Variants in ATF7 observed in about 807,000 individuals in gnomAD.
ATF7 encodes cyclic AMP-dependent transcription factor ATF-7.
A neutral mutation model predicts 50.4 loss-of-function variants in ATF7; 10 were observed. The ratio of observed to expected loss-of-function variants is 0.20; its 90% CI spans 0.12 to 0.34. The LOEUF (loss-of-function observed/expected upper bound fraction) is 0.34. ATF7 is among the 10% of genes least tolerant of loss of function. The pLI, the probability that ATF7 is intolerant of heterozygous loss-of-function variation, is 1.00. For missense variants in ATF7, 465 were observed against 613.9 expected, an observed-to-expected ratio of 0.76 and a Z score of 2.56; for synonymous variants, 201 against 226.4, an observed-to-expected ratio of 0.89 and a Z score of 1.01.
Position 53,605,389 on chromosome 12 carries a change from CA to C in ATF7, c.-21-4369del, listed in dbSNP as rs11433998. Among the ~76,000 whole-genome samples the C allele has an allele frequency of 8.0e-3, 820 of 101,956 alleles. 4 individuals are homozygous for C. Among genetic ancestry groups the C allele is most frequent in the South Asian group, 0.053 (147 of 2,778 alleles). 66.9% of individuals were successfully genotyped at this position (101,956 alleles called of 152,430 possible). A position where few individuals can be genotyped will look rare whatever the true frequency, so the allele number is the denominator to read the frequency against. The stretch of plus-strand genomic sequence containing the variant: ...GGGCAACAAGAGTGAAATTCTGTCT[CA>C]AAAAAAAAAAAAAAAAAAAGATTTA... On this transcript the variant is annotated intron_variant, in intron 1 of 11. Transcript: ENST00000420353.
chr12:53,550,367 T>TA (rs1045547762), intron 3 of ATF7, among the ~76,000 whole-genome samples: 6 of 141,028 alleles, frequency 4.3e-5, no homozygotes, highest in Admixed American at 7.2e-5. Flanking sequence ...AATAAATAAA[T>TA]AATAAATATA....
rs192651212 is a variant in ATF7 at position 53,516,113 on chromosome 12, A to G, written c.*1024T>C. 5 of 152,360 alleles carry G rather than the reference A, an allele frequency of 3.3e-5. No homozygotes were observed. Among genetic ancestry groups the G allele is most frequent in the Admixed American group, 1.3e-4 (2 of 15,298 alleles). The allele number at this position is 152,360 out of a possible 1,614,324, so 9.4% of individuals were successfully genotyped here. A position where few individuals can be genotyped will look rare whatever the true frequency, so the allele number is the denominator to read the frequency against. ...AGGGGAATGAAGAGAGAGAAGCAGG[A>G]GCAGAAAAATGACCAAAGATGACAA... On this transcript the variant is annotated 3_prime_UTR_variant, in exon 12 of 12. Transcript: ENST00000420353.
In ATF7 at chr12:53,524,523, G is replaced by A; in HGVS notation, c.1125+41C>T. On this transcript the variant is annotated intron_variant, in intron 10 of 11. Coordinates refer to ENST00000420353, the MANE Select transcript of ATF7 (RefSeq NM_006856.3). This position sits in a 1 kb window ranked among gnomAD's most constrained non-coding sequence, Gnocchi z 4.6. ...TTTTTCTGATTCCATCCCACTTTCT[G>A]GATTTTCAACAATTCCAATAAGCAT... is the stretch of plus-strand genomic sequence containing the variant. 1 of 1,603,932 alleles carries A rather than the reference G, an allele frequency of 6.2e-7. No individual in the cohort carries two copies. Among genetic ancestry groups the A allele is most frequent in the Non-Finnish European group, 8.5e-7 (1 of 1,175,358 alleles).
intron 2 of ATF7, among the ~76,000 whole-genome samples, chr12:53,572,029 T>C (rs899020480): frequency 2.0e-5 from 3 of 151,536 alleles, no homozygotes; most frequent in African/African-American, 7.3e-5. Flanking sequence ...ACAGTGCCAC[T>C]GCACTCCAGC....
At chr12:53,519,002 C>T (rs1424738450) in intron 11 of ATF7, among the ~76,000 whole-genome samples, 3 of 149,500 alleles carry the variant, frequency 2.0e-5, no homozygotes, top group African/African-American at 4.9e-5. Flanking sequence ...TGCAGTGAGC[C>T]GAGATTGTGC....
chr12:53,590,927 C>T (rs1409067021), intron 2 of ATF7, among the ~76,000 whole-genome samples: 2 of 152,070 alleles, frequency 1.3e-5, no homozygotes, highest in Non-Finnish European at 2.9e-5. Flanking sequence ...TGAGACTATT[C>T]CATATGGTAT....
chr12:53,562,871 G>A (rs1941225464), intron 2 of ATF7, among the ~76,000 whole-genome samples: 1 of 152,110 alleles, frequency 6.6e-6, no homozygotes, highest in Admixed American at 6.6e-5. Context: ...TGGCAGCAAT[G>A]GGGATTTAAA....
chr12:53,552,263 T>C (rs1231126076), intron 3 of ATF7, among the ~76,000 whole-genome samples: 1 of 151,772 alleles, frequency 6.6e-6, no homozygotes. Context: ...TCTTAATAAA[T>C]AGAAAGAAAG....
intron 2 of ATF7, among the ~76,000 whole-genome samples, chr12:53,579,171 G>A (rs1942261136): frequency 6.6e-6 from 1 of 152,138 alleles, no homozygotes; most frequent in African/African-American, 2.4e-5. Context: ...TTGAACCTGG[G>A]AGGCAGAGGT....
chr12:53,547,681 A>C (rs1474485807), intron 3 of ATF7, among the ~76,000 whole-genome samples: 1 of 144,856 alleles, frequency 6.9e-6, no homozygotes, highest in Non-Finnish European at 1.5e-5. Context: ...GGGCTCAAGC[A>C]ATCTTTCTGT....
chr12:53,615,301 A>G (rs1237002435), intron 1 of ATF7, among the ~76,000 whole-genome samples: 1 of 151,598 alleles, frequency 6.6e-6, no homozygotes, highest in African/African-American at 2.4e-5. Context: ...GAAGAATGGC[A>G]TGAACCCGGG....
chr12:53,567,152 A>G (rs980179803), intron 2 of ATF7, among the ~76,000 whole-genome samples: 2 of 152,244 alleles, frequency 1.3e-5, no homozygotes, highest in Admixed American at 6.5e-5. Context: ...TTCATTTTCT[A>G]TCTAAGGAAC....
intron 4 of ATF7, among the ~76,000 whole-genome samples, chr12:53,539,691 AATG>A (rs1939422699): frequency 3.1e-5 from 1 of 31,806 alleles, no homozygotes; most frequent in Non-Finnish European, 6.1e-5. Flanking sequence ...CCTGTCAATG[AATG>A]AATGAATGAA....
At position 53,514,100 on chromosome 12, in the gene ATF7, T is replaced by G. The variant is rs1449173930; in HGVS notation, c.*3037A>C. The G allele has an allele frequency of 6.6e-6, 1 of 152,102 alleles. No individual in the cohort carries two copies. Among genetic ancestry groups the G allele is most frequent in the Non-Finnish European group, 1.5e-5 (1 of 68,010 alleles). The allele number at this position is 152,102 out of a possible 1,614,324, so 9.4% of individuals were successfully genotyped here. A position where few individuals can be genotyped will look rare whatever the true frequency, so the allele number is the denominator to read the frequency against. Reference sequence around the variant, plus strand: ...TTTTTTGTTGGCCTCTCTAGTATTGTGGGAGGCTTTCTTAGACTTTTCAAC... The same window carrying G: ...TTTTTTGTTGGCCTCTCTAGTATTGGGGGAGGCTTTCTTAGACTTTTCAAC... On this transcript the variant is annotated 3_prime_UTR_variant, in exon 12 of 12. Transcript: ENST00000420353.
rs959622976 is a variant in ATF7, at chr12:53,512,811, A to C, written c.*4326T>G. 11 of 152,228 alleles carry C rather than the reference A, an allele frequency of 7.2e-5. No homozygotes were observed. Among genetic ancestry groups the C allele is most frequent in the African/African-American group, 2.7e-4 (11 of 41,444 alleles). 9.4% of individuals were successfully genotyped at this position (152,228 alleles called of 1,614,324 possible). On this transcript the variant is annotated 3_prime_UTR_variant, in exon 12 of 12. Transcript: ENST00000420353. Reference sequence around the variant, plus strand: ...ATGTTAGTGCAAAGGCAAAAGATGTATTTGAAATATCCTCCACACCTGTAA... The same window carrying C: ...ATGTTAGTGCAAAGGCAAAAGATGTCTTTGAAATATCCTCCACACCTGTAA...
intron 2 of ATF7, among the ~76,000 whole-genome samples, chr12:53,584,946 TG>T (rs1565978914): frequency 6.6e-6 from 1 of 152,140 alleles, no homozygotes; most frequent in Non-Finnish European, 1.5e-5. Flanking sequence ...GAAACTATTC[TG>T]TATGATACTA....
chr12:53,552,541 C>T lies in ATF7; in HGVS notation c.145G>A (p.Asp49Asn). The change falls in exon 3 of 12, where the codon GAT becomes AAT. Residue 49 changes from aspartate to asparagine, a missense_variant and splice_region_variant. Transcript: ENST00000420353. ...ACGTGGCTTTTGGGGCAGCAAATAC[C>T]TGCAATGATGACTGAGTCAGTTCGG... Reference protein sequence around the residue: ...PARTDSVIIADQTPTPTRFLK... With the variant: ...PARTDSVIIANQTPTPTRFLK... 1 of 1,613,230 alleles carries T rather than the reference C, an allele frequency of 6.2e-7. No individual in the cohort carries two copies. The highest frequency in any genetic ancestry group is 8.5e-7 in the Non-Finnish European group (1 of 1,179,270).
chr12:53,566,527 T>A (rs1941451568), intron 2 of ATF7, among the ~76,000 whole-genome samples: 1 of 152,146 alleles, frequency 6.6e-6, no homozygotes, highest in African/African-American at 2.4e-5. Context: ...TTTTGTCTCC[T>A]TATAAAAGGG....
Position 53,600,983 on chromosome 12 carries a change from C to T in ATF7, c.18G>A (p.Pro6=), listed in dbSNP as rs751643432. The T allele has an allele frequency of 1.8e-5, 29 of 1,612,558 alleles. No individual in the cohort carries two copies. Among genetic ancestry groups the T allele is most frequent in the Non-Finnish European group, 2.2e-5 (26 of 1,179,472 alleles). Reference sequence around the variant, plus strand: ...CACAGCCCGGGGCATTGCACACAAACGGTCTGTCGTCTCCCATATTTCATA... The same window carrying T: ...CACAGCCCGGGGCATTGCACACAAATGGTCTGTCGTCTCCCATATTTCATA... MGDDR[P]FVCNAPGCGQ... Residue 6 remains proline (P), a synonymous_variant, in exon 2 of 12, where the codon CCG becomes CCA. Transcript: ENST00000420353.
Sources: allele counts gnomAD v4.1 joint callset (sites outside exome capture counted in the v4.1 genomes callset), GRCh38; gene constraint gnomAD v4.1.1; non-coding constraint Gnocchi (gnomAD v3.1); transcripts MANE v1.5; gene names NCBI Gene and HGNC (gene_info 2026-07-23, HGNC 2026-07-21).